Variants in LRRTM4 observed in about 807,000 individuals in gnomAD.
LRRTM4 encodes the protein leucine-rich repeat transmembrane neuronal protein 4.
LRRTM4 carries 25 observed loss-of-function variants against 47.6 expected under a neutral mutation model. The observed-to-expected ratio is 0.53, with a 90% CI of 0.38 to 0.73. The LOEUF is 0.73. Ranked by LOEUF, LRRTM4 falls within the 30% of genes least tolerant of loss-of-function variation. The probability of loss-of-function intolerance (pLI) is 0.00; values close to 1 mark genes in which losing one functional copy is unlikely to be tolerated. For synonymous variants in LRRTM4, 311 were observed against 269.5 expected (o/e 1.15, Z -1.51); for missense variants, 638 against 713.4 (o/e 0.89, Z 1.20).
At chr2:77,147,846 G>A (rs1672300499) in intron 3 of LRRTM4, among the ~76,000 whole-genome samples, 1 of 152,114 alleles carries the variant, frequency 6.6e-6, no homozygotes, top group Non-Finnish European at 1.5e-5. Flanking sequence ...ACATGAAAAA[G>A]ACTAAGCTAC....
chr2:76,857,193 C>T (rs1003798910), intron 3 of LRRTM4, among the ~76,000 whole-genome samples: 2 of 151,184 alleles, frequency 1.3e-5, no homozygotes, highest in African/African-American at 2.4e-5. Context: ...GGATGAAAAC[C>T]TTTATGATAA....
intron 3 of LRRTM4, among the ~76,000 whole-genome samples, chr2:76,849,460 A>C (rs571383557): frequency 1.4e-4 from 22 of 152,134 alleles, no homozygotes; most frequent in South Asian, 1.0e-3. Flanking sequence ...GGAAAATTAT[A>C]TAAAATATAC....
chr2:76,855,447 A>G (rs969283990), intron 3 of LRRTM4, among the ~76,000 whole-genome samples: 2 of 152,216 alleles, frequency 1.3e-5, no homozygotes, highest in African/African-American at 4.8e-5. Context: ...GATAAATAAT[A>G]GATTCATATC....
intron 3 of LRRTM4, among the ~76,000 whole-genome samples, chr2:76,856,655 G>A (rs1375688499): frequency 1.3e-5 from 2 of 151,898 alleles, no homozygotes; most frequent in Admixed American, 6.6e-5. Context: ...ATAAATTACT[G>A]CTTATTTATC....
chr2:76,921,250 G>T (rs1301849439), intron 3 of LRRTM4, among the ~76,000 whole-genome samples: 1 of 152,008 alleles, frequency 6.6e-6, no homozygotes, highest in Non-Finnish European at 1.5e-5. Context: ...GTAGAATGTT[G>T]CTCATTTTGG....
intron 3 of LRRTM4, among the ~76,000 whole-genome samples, chr2:76,952,344 T>C (rs1675525293): frequency 6.6e-6 from 1 of 151,772 alleles, no homozygotes; most frequent in African/African-American, 2.4e-5. Flanking sequence ...CTTAAACAAA[T>C]CAACAAGAAA....
At chr2:77,275,471 T>G (rs1235524678) in intron 3 of LRRTM4, among the ~76,000 whole-genome samples, 1 of 152,138 alleles carries the variant, frequency 6.6e-6, no homozygotes, top group Non-Finnish European at 1.5e-5. Flanking sequence ...AAAACATAAT[T>G]GATAATCAGG....
intron 3 of LRRTM4, among the ~76,000 whole-genome samples, chr2:76,995,816 G>T (rs1201786037): frequency 6.6e-6 from 1 of 151,996 alleles, no homozygotes; most frequent in East Asian, 1.9e-4. Flanking sequence ...ACACATGGGT[G>T]AACATGGGAA....
intron 3 of LRRTM4, among the ~76,000 whole-genome samples, chr2:76,768,033 G>T (rs149625352): frequency 0.019 from 2,929 of 152,276 alleles, 42 homozygotes; most frequent in Non-Finnish European, 0.031. Context: ...TAAGAAATTT[G>T]TGACATAATT....
chr2:76,752,110 A>T (rs547008722), intron 3 of LRRTM4, among the ~76,000 whole-genome samples: 1 of 152,298 alleles, frequency 6.6e-6, no homozygotes, highest in South Asian at 2.1e-4. Context: ...CTTCACAAAG[A>T]AGAGATACTT....
chr2:76,944,867 A>G (rs1321665629), intron 3 of LRRTM4, among the ~76,000 whole-genome samples: 2 of 152,104 alleles, frequency 1.3e-5, no homozygotes, highest in East Asian at 3.9e-4. Flanking sequence ...CTATTTGTAA[A>G]GGTTAAATCT....
At chr2:77,238,335 T>C (rs529457990) in intron 3 of LRRTM4, among the ~76,000 whole-genome samples, 2 of 152,198 alleles carry the variant, frequency 1.3e-5, no homozygotes, top group Non-Finnish European at 2.9e-5. Context: ...GGCAGTGTCT[T>C]AACTTTGGAG....
rs1051118707 is a variant in LRRTM4 at position 77,090,496 on chromosome 2, C to T, written c.1552-341580G>A. Among the ~76,000 whole-genome samples the T allele has an allele frequency of 3.9e-5, 6 of 152,252 alleles. 1 individual carries two copies. The East Asian group carries it at 5.8e-4, about 15-fold the overall frequency. ...CCCCACAACAGGATTTAATTAACCTCGCCTTCAAGGTGTGCAATAATAGAA... is the reference window on the plus strand; with the variant it reads ...CCCCACAACAGGATTTAATTAACCTTGCCTTCAAGGTGTGCAATAATAGAA... On this transcript the variant is annotated intron_variant, in intron 3 of 3. Transcript: ENST00000409884.
intron 3 of LRRTM4, among the ~76,000 whole-genome samples, chr2:76,965,967 A>G (rs2103924939): frequency 6.6e-6 from 1 of 151,546 alleles, no homozygotes; most frequent in Non-Finnish European, 1.5e-5. Context: ...CTCACTGGCC[A>G]GCTTCAAAAA....
At chr2:76,801,577 G>C (rs532738214) in intron 3 of LRRTM4, among the ~76,000 whole-genome samples, 1 of 152,128 alleles carries the variant, frequency 6.6e-6, no homozygotes, top group East Asian at 1.9e-4. Flanking sequence ...TGATGAGTTA[G>C]TGGGTGCAGT....
intron 3 of LRRTM4, among the ~76,000 whole-genome samples, chr2:76,964,803 A>C (rs1368193605): frequency 1.3e-5 from 2 of 150,862 alleles, no homozygotes; most frequent in Non-Finnish European, 3.0e-5. Flanking sequence ...AAAAACAATT[A>C]ATAAAGAGAG....
intron 3 of LRRTM4, among the ~76,000 whole-genome samples, chr2:77,323,377 G>C (rs576789183): frequency 6.6e-6 from 1 of 152,126 alleles, no homozygotes; most frequent in Non-Finnish European, 1.5e-5. Flanking sequence ...AAAGGTTAGA[G>C]TTGGGAGAAA....
At chr2:77,223,200 G>C (rs1233583002) in intron 3 of LRRTM4, among the ~76,000 whole-genome samples, 2 of 151,878 alleles carry the variant, frequency 1.3e-5, no homozygotes, top group African/African-American at 4.8e-5. Context: ...GTATTGATGG[G>C]GTGTATCTCA....
chr2:76,929,350 C>T (rs1300413206), intron 3 of LRRTM4, among the ~76,000 whole-genome samples: 1 of 152,092 alleles, frequency 6.6e-6, no homozygotes, highest in Non-Finnish European at 1.5e-5. Flanking sequence ...CATTTACCTC[C>T]CTAGTGTCCA....
Sources: allele counts gnomAD v4.1 joint callset (sites outside exome capture counted in the v4.1 genomes callset), GRCh38; gene constraint gnomAD v4.1.1; transcripts MANE v1.5; gene names NCBI Gene and HGNC (gene_info 2026-07-23, HGNC 2026-07-21).